Variants in CYB5RL observed in about 807,000 individuals in gnomAD.
CYB5RL encodes the protein NADH-cytochrome b5 reductase-like.
CYB5RL carries 38 observed loss-of-function variants against 37.5 expected under a neutral mutation model. That is an observed-to-expected ratio of 1.01 (90% CI 0.78 to 1.33). The LOEUF is 1.33. Among genes scored for constraint, CYB5RL ranks in the 40% most tolerant of loss-of-function variants. The probability of loss-of-function intolerance (pLI) is 0.00; values close to 1 mark genes in which losing one functional copy is unlikely to be tolerated. For synonymous variants in CYB5RL, 141 were observed against 151.9 expected, an observed-to-expected ratio of 0.93 and a Z score of 0.53; for missense variants, 388 against 394.4, an observed-to-expected ratio of 0.98 and a Z score of 0.14.
intron 4 of CYB5RL, among the ~76,000 whole-genome samples, chr1:54,190,251 A>G (rs779273895): frequency 1.1e-4 from 17 of 152,246 alleles, no homozygotes; most frequent in Non-Finnish European, 1.8e-4. Context: ...GTCTGGGTTT[A>G]AATCCTGGCT....
At chr1:54,176,874 C>T (rs991861477) in intron 7 of CYB5RL, among the ~76,000 whole-genome samples, 48 of 152,238 alleles carry the variant, frequency 3.2e-4, no homozygotes, top group African/African-American at 1.1e-3. Flanking sequence ...AGCCTGGGGG[C>T]TCTAGGAAAG....
chr1:54,175,427 G>T, intron 7 of CYB5RL: 1 of 281,582 alleles, frequency 3.6e-6, no homozygotes, highest in South Asian at 3.6e-5. Context: ...AAGGCTGGAC[G>T]GTGACCCCAC....
chr1:54,178,473 C>T (rs537884732), intron 7 of CYB5RL, among the ~76,000 whole-genome samples: 16 of 152,118 alleles, frequency 1.1e-4, no homozygotes, highest in Non-Finnish European at 1.6e-4. Flanking sequence ...GCAGACAATC[C>T]CCCATGCTCT....
intron 6 of CYB5RL, among the ~76,000 whole-genome samples, chr1:54,183,590 A>G (rs1304498724): frequency 2.0e-5 from 3 of 152,228 alleles, no homozygotes; most frequent in Non-Finnish European, 2.9e-5. Context: ...CAGAGGGCAT[A>G]AGGGCTCCTA....
chr1:54,199,700 G>T (rs958065497), intron 1 of CYB5RL, among the ~76,000 whole-genome samples: 1 of 152,208 alleles, frequency 6.6e-6, no homozygotes, highest in Non-Finnish European at 1.5e-5. Flanking sequence ...CGCTTTTGGC[G>T]CTGGGGAAGA....
intron 7 of CYB5RL, 42 bp from the exon 8 acceptor site, chr1:54,174,864 G>A (rs775160428): frequency 5.0e-6 from 8 of 1,588,054 alleles, no homozygotes; most frequent in Admixed American, 3.4e-5. Flanking sequence ...AAGGGAGCGG[G>A]GGGTCCTTAG....
At position 54,174,207 on chromosome 1, in the gene CYB5RL, A is replaced by T. The variant is rs758475403; in HGVS notation, c.*412T>A. On this transcript the variant is annotated 3_prime_UTR_variant, in exon 8 of 8. Coordinates refer to ENST00000534324, the MANE Select transcript of CYB5RL (RefSeq NM_001031672.4). ...CTTCCCTACACACTCAGGAGCCCCT[A>T]ATCCGAGATGGTGCTGAGGCCACAG... 1.3e-4 allele frequency: 31 copies of T among 235,042 alleles called. 1 individual carries two copies. Among genetic ancestry groups the T allele is most frequent in the Non-Finnish European group, 2.5e-4 (29 of 116,058 alleles). The allele number at this position is 235,042 out of a possible 1,614,324, so 14.6% of individuals were successfully genotyped here.
chr1:54,199,790 G>T (rs911061267), intron 1 of CYB5RL, among the ~76,000 whole-genome samples, 186 bp downstream of exon 1: 9 of 152,218 alleles, frequency 5.9e-5, no homozygotes, highest in Non-Finnish European at 1.3e-4. Flanking sequence ...CGACAGAGGC[G>T]CTCGCAGCAG....
At chr1:54,180,087 A>C (rs1660119163) in intron 6 of CYB5RL, 1 of 442,606 alleles carries the variant, frequency 2.3e-6, no homozygotes, top group Non-Finnish European at 4.5e-6. Flanking sequence ...AAATACAAAA[A>C]TTAGCCAAGC....
intron 7 of CYB5RL, among the ~76,000 whole-genome samples, chr1:54,176,546 A>T (rs1275555695): frequency 6.6e-6 from 1 of 152,142 alleles, no homozygotes; most frequent in African/African-American, 2.4e-5. Flanking sequence ...CAAAACAAAC[A>T]GGGTCCCCTG....
intron 6 of CYB5RL, among the ~76,000 whole-genome samples, chr1:54,182,807 C>G (rs564481103): frequency 6.6e-6 from 1 of 152,358 alleles, no homozygotes; most frequent in East Asian, 1.9e-4. Context: ...CCCGCCTCGG[C>G]CTCCCAAAGT....
intron 1 of CYB5RL, among the ~76,000 whole-genome samples, chr1:54,197,480 T>C (rs541814472): frequency 1.3e-5 from 2 of 152,062 alleles, no homozygotes; most frequent in South Asian, 4.2e-4. Context: ...CCCAACACAA[T>C]GCCCGGCTAG....
chr1:54,184,188 G>A lies in CYB5RL; in HGVS notation c.513C>T (p.Phe171=), dbSNP rs557743285. ...GGTTTGGTTTATAGAAGAAATCTCC[G>A]AAAGGTCCTCGCCAGAAAGCTGTGT... ...VGDTAFWRGP[F]GDFFYKPNQY... The change falls in exon 6 of 8, where the codon TTC becomes TTT. Residue 171 remains phenylalanine, a synonymous_variant. Transcript: ENST00000534324. 1.2e-5 allele frequency: 19 copies of A among 1,613,564 alleles called. No homozygotes were observed. Among genetic ancestry groups the A allele is most frequent in the East Asian group, 8.9e-5 (4 of 44,868 alleles).
At chr1:54,195,996 G>C (rs752740296) in intron 2 of CYB5RL, among the ~76,000 whole-genome samples, 1 of 152,190 alleles carries the variant, frequency 6.6e-6, no homozygotes, top group Non-Finnish European at 1.5e-5. Context: ...GTTTAGCAGG[G>C]TGGGACCCCC....
chr1:54,194,820 G>A (rs1009834926), intron 3 of CYB5RL, among the ~76,000 whole-genome samples: 27 of 152,198 alleles, frequency 1.8e-4, no homozygotes, highest in African/African-American at 5.8e-4. Flanking sequence ...GTGTCAGAAG[G>A]AATAGGTCCT....
rs1215254822 is a variant in CYB5RL at position 54,195,428 on chromosome 1, T to C, written c.189A>G (p.Pro63=). The C allele has an allele frequency of 6.3e-7, 1 of 1,595,932 alleles. No individual in the cohort carries two copies. Among genetic ancestry groups the C allele is most frequent in the Admixed American group, 1.7e-5 (1 of 59,172 alleles). ...AAGCAGCCTCTCTCACCTGTGACTC[T>C]GGCCCACGCAGCAGGCTCCTGTCCT... ...ASKDRSLLRG[P]ESQSCPSKLN... Residue 63 remains proline, a synonymous_variant, in exon 3 of 8, where the codon CCA becomes CCG. Transcript: ENST00000534324.
At chr1:54,199,226 G>A (rs970179293) in intron 1 of CYB5RL, among the ~76,000 whole-genome samples, 1 of 152,102 alleles carries the variant, frequency 6.6e-6, no homozygotes, top group African/African-American at 2.4e-5. Flanking sequence ...TGTTATACAC[G>A]CATTCACTAA....
chr1:54,180,950 G>A (rs1384720017), intron 6 of CYB5RL, among the ~76,000 whole-genome samples: 1 of 151,584 alleles, frequency 6.6e-6, no homozygotes, highest in East Asian at 1.9e-4. Flanking sequence ...CAGGAGGTTG[G>A]GGCTGTAGTG....
intron 5 of CYB5RL, chr1:54,186,007 C>G (rs912384197): frequency 3.0e-5 from 5 of 166,198 alleles, no homozygotes; most frequent in Non-Finnish European, 6.3e-5. Flanking sequence ...TGAGATATGC[C>G]TTTCACCTTC....
Sources: allele counts gnomAD v4.1 joint callset (sites outside exome capture counted in the v4.1 genomes callset), GRCh38; gene constraint gnomAD v4.1.1; transcripts MANE v1.5; gene names NCBI Gene and HGNC (gene_info 2026-07-23, HGNC 2026-07-21).